Variants in SMS observed in about 807,000 individuals in gnomAD.
The protein encoded by SMS is spermidine aminopropyltransferase.
In SMS, 3 loss-of-function variants were observed where a neutral mutation model predicts 33.0. That is an observed-to-expected ratio of 0.09 (90% CI 0.04 to 0.23). The LOEUF is 0.23. SMS is among the 10% of genes least tolerant of loss of function. The probability of loss-of-function intolerance (pLI) is 1.00; values close to 1 mark genes in which losing one functional copy is unlikely to be tolerated. For synonymous variants in SMS, 103 were observed against 112.2 expected (o/e 0.92, Z 0.52); for missense variants, 117 against 288.6 (o/e 0.41, Z 4.31).
At chrX:21,984,169 C>T in intron 7 of SMS, 135 bp from the exon 8 acceptor site, 1 of 521,135 alleles carries the variant, frequency 1.9e-6, no homozygotes. Flanking sequence ...TTTTTTGGTT[C>T]CTGTAGCAGT....
At chrX:21,982,056 G>A (rs1271792028) in intron 7 of SMS, among the ~76,000 whole-genome samples, 4 of 110,232 alleles carry the variant, frequency 3.6e-5, no homozygotes, top group African/African-American at 6.6e-5. Flanking sequence ...AAGACAGGCC[G>A]GGCGCGGTGG....
chrX:21,965,117 TGTCATTGG>T (rs896198092), intron 1 of SMS, among the ~76,000 whole-genome samples: 13 of 111,865 alleles, frequency 1.2e-4, no homozygotes, highest in African/African-American at 2.3e-4. Context: ...TAAGGGCACT[TGTCATTGG>T]GTTTAGGGTC....
chrX:21,977,338 GT>G, intron 5 of SMS, 102 bp downstream of exon 5: 2 of 760,447 alleles, frequency 2.6e-6, no homozygotes, highest in Non-Finnish European at 4.1e-6. Context: ...GTTTGAGTTT[GT>G]TTTTGACACT....
intron 1 of SMS, among the ~76,000 whole-genome samples, chrX:21,945,638 C>CG (rs1922167518): frequency 1.4e-5 from 1 of 69,192 alleles, no homozygotes; most frequent in African/African-American, 5.4e-5. Flanking sequence ...TTCCCGTCCC[C>CG]CCCCCCACCC....
At chrX:21,983,780 T>C (rs1173860445) in intron 7 of SMS, among the ~76,000 whole-genome samples, 1 of 111,813 alleles carries the variant, frequency 8.9e-6, no homozygotes, top group Non-Finnish European at 1.9e-5. Context: ...CCCAGCACTA[T>C]GAGAGTCTGA....
At chrX:21,946,549 ATGTT>A (rs1212191027) in intron 1 of SMS, among the ~76,000 whole-genome samples, 1 of 111,650 alleles carries the variant, frequency 9.0e-6, no homozygotes, top group Non-Finnish European at 1.9e-5. Context: ...ATTCAAAGCC[ATGTT>A]TGTTTGATTG....
intron 1 of SMS, among the ~76,000 whole-genome samples, chrX:21,945,025 A>C (rs2238958): frequency 1.8e-5 from 2 of 110,159 alleles, no homozygotes; most frequent in Non-Finnish European, 3.8e-5. Context: ...AGCTGCTGTA[A>C]CCTCTTCTTG....
At chrX:21,966,080 A>T (rs1270304707) in intron 1 of SMS, among the ~76,000 whole-genome samples, 1 of 112,133 alleles carries the variant, frequency 8.9e-6, no homozygotes, top group Admixed American at 9.5e-5. Flanking sequence ...CTAGAGATAG[A>T]CTCTTTATGC....
intron 1 of SMS, among the ~76,000 whole-genome samples, chrX:21,965,468 C>T (rs1027801445): frequency 3.7e-5 from 4 of 108,674 alleles, no homozygotes; most frequent in Admixed American, 3.0e-4. Context: ...GAAACCCCAT[C>T]GCTACCAAAA....
At chrX:21,968,358 A>G (rs1923887488) in intron 2 of SMS, among the ~76,000 whole-genome samples, 1 of 112,616 alleles carries the variant, frequency 8.9e-6, no homozygotes, top group Admixed American at 9.4e-5. Flanking sequence ...CATTTCCCCC[A>G]GAAATTGAGG....
intron 1 of SMS, among the ~76,000 whole-genome samples, chrX:21,966,036 C>T (rs867077272): frequency 8.9e-6 from 1 of 112,250 alleles, no homozygotes; most frequent in Non-Finnish European, 1.9e-5. Flanking sequence ...TTGTAGCCTT[C>T]ATTCAGTGGC....
intron 1 of SMS, among the ~76,000 whole-genome samples, chrX:21,941,884 C>T (rs1191599629): frequency 5.1e-5 from 1 of 19,563 alleles, no homozygotes; most frequent in Non-Finnish European, 9.6e-5. Context: ...GACCCTGTCT[C>T]AAAAAAAAAA....
intron 1 of SMS, among the ~76,000 whole-genome samples, chrX:21,953,890 ATT>A (rs10599284): frequency 0.14 from 12,717 of 90,042 alleles, 1,342 homozygotes; most frequent in African/African-American, 0.36. Context: ...AATTTTATTG[ATT>A]TTTTTTTTTT....
intron 7 of SMS, among the ~76,000 whole-genome samples, chrX:21,981,935 T>C (rs985900119): frequency 1.5e-4 from 17 of 111,242 alleles, no homozygotes; most frequent in Non-Finnish European, 2.3e-4. Context: ...ATCCCTTGAA[T>C]AATGCAGAGT....
At chrX:21,991,635 A>C (rs375952341) in intron 9 of SMS, among the ~76,000 whole-genome samples, 1 of 112,557 alleles carries the variant, frequency 8.9e-6, no homozygotes, top group East Asian at 2.8e-4. Flanking sequence ...TGCTAAGAGG[A>C]TGATAAATGC....
intron 1 of SMS, among the ~76,000 whole-genome samples, chrX:21,950,433 C>G (rs1370221615): frequency 1.3e-5 from 1 of 76,814 alleles, no homozygotes; most frequent in East Asian, 4.1e-4. Flanking sequence ...TATGACAGGA[C>G]TTTTTTTTTT....
intron 1 of SMS, among the ~76,000 whole-genome samples, chrX:21,962,918 G>A (rs1191607459): frequency 9.0e-6 from 1 of 111,248 alleles, no homozygotes; most frequent in African/African-American, 3.3e-5. Context: ...ACCTCCTAAA[G>A]TGTTGGGATT....
intron 1 of SMS, chrX:21,941,443 C>T: frequency 6.0e-6 from 1 of 165,891 alleles, no homozygotes; most frequent in Non-Finnish European, 1.2e-5. Flanking sequence ...GGACGCGCAG[C>T]GCTTGCAGAA....
At chrX:21,941,317 C>G (rs1303355820) in intron 1 of SMS, 1 of 233,468 alleles carries the variant, frequency 4.3e-6, no homozygotes, top group Non-Finnish European at 7.9e-6. Context: ...GGGCTGGGGG[C>G]GTGCGCCGAG....
Sources: gnomAD v4.1 joint callset for allele counts (sites outside exome capture counted in the v4.1 genomes callset) on GRCh38, gnomAD v4.1.1 for gene constraint, MANE v1.5 for transcripts, NCBI Gene and HGNC (gene_info 2026-07-23, HGNC 2026-07-21) for gene names.